VAPB: variants seen among roughly 807,000 people sequenced by gnomAD.
The protein encoded by VAPB is vesicle-associated membrane protein-associated protein B/C.
A neutral mutation model predicts 25.6 loss-of-function variants in VAPB; 7 were observed. The observed-to-expected ratio is 0.27, with a 90% confidence interval of 0.16 to 0.51. The LOEUF (loss-of-function observed/expected upper bound fraction) is 0.51. Among genes scored for constraint, VAPB ranks in the 20% least tolerant of loss-of-function variants. The probability of loss-of-function intolerance (pLI) is 0.97; values close to 1 mark genes in which losing one functional copy is unlikely to be tolerated. For missense variants in VAPB, 266 were observed against 301.3 expected, an observed-to-expected ratio of 0.88 and a Z score of 0.87; for synonymous variants, 112 against 109.2, an observed-to-expected ratio of 1.03 and a Z score of -0.16.
intron 1 of VAPB, among the ~76,000 whole-genome samples, chr20:58,406,473 T>C (rs1009755506): frequency 1.3e-5 from 2 of 152,228 alleles, no homozygotes; most frequent in Admixed American, 6.5e-5. Context: ...AGGTTCTTTA[T>C]TGAAAAGGAA....
Position 58,447,663 on chromosome 20 carries a change from CAT to C in VAPB, c.*3429_*3430del. ...TGAAAACAGACTCTGTGTGTGTGTG[CAT>C]GTGTGCATGTGTGCATGTGTGGCAT... On this transcript the variant is annotated 3_prime_UTR_variant, in exon 6 of 6. Transcript: ENST00000475243. The C allele has an allele frequency of 3.3e-4, 2 of 6,142 alleles. No homozygotes were observed. Among genetic ancestry groups the C allele is most frequent in the Non-Finnish European group, 1.2e-3 (2 of 1,604 alleles). 0.4% of individuals were successfully genotyped at this position (6,142 alleles called of 1,614,324 possible). A position where few individuals can be genotyped will look rare whatever the true frequency, so the allele number is the denominator to read the frequency against.
intron 1 of VAPB, among the ~76,000 whole-genome samples, chr20:58,399,887 T>C (rs1050350787): frequency 6.6e-5 from 10 of 152,152 alleles, no homozygotes; most frequent in African/African-American, 2.4e-4. Context: ...TCCAAGTCTT[T>C]CATGTCCTCA....
At chr20:58,411,568 G>A (rs961454191) in intron 1 of VAPB, among the ~76,000 whole-genome samples, 19 of 152,158 alleles carry the variant, frequency 1.2e-4, no homozygotes, top group African/African-American at 3.1e-4. Flanking sequence ...CACCGCACCC[G>A]GCCAGACATC....
At position 58,408,697 on chromosome 20, in the gene VAPB, A is replaced by G. The variant is rs1446743898; in HGVS notation, c.59-9514A>G. Among the ~76,000 whole-genome samples, 3 of 152,120 alleles carry G rather than the reference A, an allele frequency of 2.0e-5. No homozygotes were observed. In the South Asian group the frequency reaches 6.2e-4, roughly 32 times the overall value. ...CACAGTGAGCATTTTTAATACCTTC[A>G]ACCTGTATATAAGCAGCACAAATTT... On this transcript the variant is annotated intron_variant, in intron 1 of 5. Transcript: ENST00000475243.
chr20:58,403,544 G>T (rs1260515583), intron 1 of VAPB, among the ~76,000 whole-genome samples: 1 of 152,132 alleles, frequency 6.6e-6, no homozygotes, highest in South Asian at 2.1e-4. Flanking sequence ...GTTCCCCCAG[G>T]TTTCTCTCTG....
chr20:58,415,000 A>G (rs1026230072), intron 1 of VAPB, among the ~76,000 whole-genome samples: 3 of 152,272 alleles, frequency 2.0e-5, no homozygotes, highest in East Asian at 1.9e-4. Context: ...AGGCCGGCGG[A>G]TCACTTGCGG....
intron 1 of VAPB, among the ~76,000 whole-genome samples, chr20:58,394,739 A>G (rs975846863): frequency 3.9e-5 from 6 of 152,214 alleles, no homozygotes; most frequent in Admixed American, 2.6e-4. Flanking sequence ...TTAACTCCTT[A>G]GGGGAAAAAA....
At chr20:58,413,462 G>A (rs1388127629) in intron 1 of VAPB, among the ~76,000 whole-genome samples, 2 of 152,094 alleles carry the variant, frequency 1.3e-5, no homozygotes, top group Non-Finnish European at 2.9e-5. Context: ...CACAGGGTTG[G>A]GGGTAAGGTC....
chr20:58,396,963 G>A (rs933829159), intron 1 of VAPB, among the ~76,000 whole-genome samples: 9 of 152,318 alleles, frequency 5.9e-5, no homozygotes, highest in African/African-American at 2.2e-4. Context: ...ACCAGTATCA[G>A]CTCATTAGAG....
intron 1 of VAPB, among the ~76,000 whole-genome samples, chr20:58,413,600 C>T (rs1988435696): frequency 6.6e-6 from 1 of 151,994 alleles, no homozygotes; most frequent in African/African-American, 2.4e-5. Flanking sequence ...CCACCTTTCC[C>T]GCCTTTCTAT....
rs1989393458 is a variant in VAPB at position 58,449,818 on chromosome 20, T to G, written c.*5583T>G. The G allele has an allele frequency of 2.2e-6, 1 of 454,016 alleles. No individual in the cohort carries two copies. The highest frequency in any genetic ancestry group is 4.4e-6 in the Non-Finnish European group (1 of 226,786). The allele number at this position is 454,016 out of a possible 1,614,324, so 28.1% of individuals were successfully genotyped here. ...ATGCTCGCTTGCTGGCCTGCTTTCC[T>G]GCTTGCATTCTGATGAGCTGCAGGA... On this transcript the variant is annotated 3_prime_UTR_variant, in exon 6 of 6. Transcript: ENST00000475243.
chr20:58,447,263 C>T lies in VAPB; in HGVS notation c.*3028C>T, dbSNP rs1211446451. On this transcript the variant is annotated 3_prime_UTR_variant, in exon 6 of 6. Coordinates refer to ENST00000475243, the MANE Select transcript of VAPB (RefSeq NM_004738.5). Reference sequence around the variant, plus strand: ...AGCTTCCTTGGCACGATACAAAATACCTCTTAAAGACAGCAGGCTTTTTTA... The same window carrying T: ...AGCTTCCTTGGCACGATACAAAATATCTCTTAAAGACAGCAGGCTTTTTTA... The T allele has an allele frequency of 2.2e-6, 1 of 454,118 alleles. No individual in the cohort carries two copies. The highest frequency in any genetic ancestry group is 4.4e-6 in the Non-Finnish European group (1 of 226,782). 28.1% of individuals were successfully genotyped at this position (454,118 alleles called of 1,614,324 possible). A position where few individuals can be genotyped will look rare whatever the true frequency, so the allele number is the denominator to read the frequency against.
chr20:58,441,577 G>A (rs1989163601), intron 5 of VAPB, among the ~76,000 whole-genome samples: 1 of 152,206 alleles, frequency 6.6e-6, no homozygotes, highest in Non-Finnish European at 1.5e-5. Flanking sequence ...AGGAGGCGGA[G>A]GTTGCAGTGA....
chr20:58,421,020 A>C (rs996844130), intron 2 of VAPB, among the ~76,000 whole-genome samples: 1 of 152,212 alleles, frequency 6.6e-6, no homozygotes. Flanking sequence ...CAGATTATCC[A>C]AAAGCCAGCC....
intron 2 of VAPB, among the ~76,000 whole-genome samples, chr20:58,424,225 A>T (rs1204819907): frequency 1.3e-5 from 2 of 152,178 alleles, no homozygotes; most frequent in Non-Finnish European, 2.9e-5. Flanking sequence ...AGGGCTCTCC[A>T]GTCTTGAATC....
chr20:58,405,063 A>G (rs1220451740), intron 1 of VAPB, among the ~76,000 whole-genome samples: 2 of 152,234 alleles, frequency 1.3e-5, no homozygotes, highest in Non-Finnish European at 2.9e-5. Context: ...AAATGGGAAA[A>G]AAACAACTAA....
chr20:58,413,293 C>T (rs1434946738), intron 1 of VAPB, among the ~76,000 whole-genome samples: 4 of 151,592 alleles, frequency 2.6e-5, no homozygotes, highest in South Asian at 4.2e-4. Flanking sequence ...GAGGACCCTG[C>T]GGCCTTCCGC....
chr20:58,436,158 C>G (rs1989039472), intron 3 of VAPB, among the ~76,000 whole-genome samples: 1 of 151,780 alleles, frequency 6.6e-6, no homozygotes, highest in Admixed American at 6.6e-5. Context: ...AGTAAAGGGT[C>G]ATTTTAGTTC....
At position 58,445,204 on chromosome 20, in the gene VAPB, A is replaced by C. The variant is rs1989256319; in HGVS notation, c.*969A>C. The C allele has an allele frequency of 2.2e-6, 1 of 454,152 alleles. No homozygotes were observed. Among genetic ancestry groups the C allele is most frequent in the African/African-American group, 2.0e-5 (1 of 50,114 alleles). The allele number at this position is 454,152 out of a possible 1,614,324, so 28.1% of individuals were successfully genotyped here. On this transcript the variant is annotated 3_prime_UTR_variant, in exon 6 of 6. Coordinates refer to ENST00000475243, the MANE Select transcript of VAPB (RefSeq NM_004738.5). ...ATTCTCAGTAGTGACAGTCAACTCTAGGTTACCTTTTTTAATGAAGAGTAG... is the reference window on the plus strand; with the variant it reads ...ATTCTCAGTAGTGACAGTCAACTCTCGGTTACCTTTTTTAATGAAGAGTAG...
Sources: gnomAD v4.1 joint callset for allele counts (sites outside exome capture counted in the v4.1 genomes callset) on GRCh38, gnomAD v4.1.1 for gene constraint, MANE v1.5 for transcripts, NCBI Gene and HGNC (gene_info 2026-07-23, HGNC 2026-07-21) for gene names.